Variants in KHDRBS2 observed in about 807,000 individuals in gnomAD.
KHDRBS2 encodes KH RNA binding domain containing, signal transduction associated 2.
In KHDRBS2, 26 loss-of-function variants were observed where a neutral mutation model predicts 44.3. The observed-to-expected ratio is 0.59, with a 90% CI of 0.43 to 0.81. The LOEUF is 0.81. Among genes scored for constraint, KHDRBS2 ranks in the 40% least tolerant of loss-of-function variants. KHDRBS2 has a pLI of 0.00. For synonymous variants in KHDRBS2, 194 were observed against 151.1 expected, an observed-to-expected ratio of 1.28 and a Z score of -2.08; for missense variants, 476 against 433.1, an observed-to-expected ratio of 1.10 and a Z score of -0.88.
At position 61,977,847 on chromosome 6, in the gene KHDRBS2, GA is replaced by G. The variant is rs139249220; in HGVS notation, c.483+218del. Among the ~76,000 whole-genome samples, 379 of 152,200 alleles carry G rather than the reference GA, an allele frequency of 2.5e-3. 9 individuals are homozygous for G. In the East Asian group the frequency reaches 0.063, roughly 25 times the overall value. ...CCGATGCATGGCATGACACCAGCAT[GA>G]CAAACATTGCTATGGAACCATCACT... On this transcript the variant is annotated intron_variant, in intron 4 of 8. Coordinates refer to ENST00000281156, the MANE Select transcript of KHDRBS2 (RefSeq NM_152688.4).
chr6:62,106,472 G>T (rs567027848), intron 2 of KHDRBS2, among the ~76,000 whole-genome samples: 4 of 152,194 alleles, frequency 2.6e-5, no homozygotes, highest in African/African-American at 4.8e-5. Flanking sequence ...CCTGTATTGG[G>T]TGCATACATA....
chr6:61,632,751 G>C, the KHDRBS2 span, among the ~76,000 whole-genome samples: 1 of 151,982 alleles, frequency 6.6e-6, no homozygotes, highest in Non-Finnish European at 1.5e-5. Flanking sequence ...TCTCAGGGGT[G>C]GTTCACCTCA....
intron 2 of KHDRBS2, among the ~76,000 whole-genome samples, chr6:62,140,659 T>C (rs1236734258): frequency 6.6e-6 from 1 of 152,188 alleles, no homozygotes; most frequent in East Asian, 1.9e-4. Context: ...AAAAGAGATG[T>C]TCAAAAAAAC....
rs549661170 is a variant in KHDRBS2 at position 62,212,433 on chromosome 6, T to C, written c.92-35121A>G. On this transcript the variant is annotated intron_variant, in intron 1 of 8. Coordinates refer to ENST00000281156, the MANE Select transcript of KHDRBS2 (RefSeq NM_152688.4). ...GAGGGAGATGGTATGGGTTGAATTGTGTTCCCCCTGAAATATATTAATACA... is the reference window on the plus strand; with the variant it reads ...GAGGGAGATGGTATGGGTTGAATTGCGTTCCCCCTGAAATATATTAATACA... 2.1e-3 allele frequency among the ~76,000 whole-genome samples: 319 copies of C among 151,858 alleles called. 1 individual carries two copies. The highest frequency in any genetic ancestry group is 7.2e-3 in the African/African-American group (300 of 41,434).
intron 6 of KHDRBS2, among the ~76,000 whole-genome samples, chr6:61,810,632 A>G (rs1787970026): frequency 6.6e-6 from 1 of 152,204 alleles, no homozygotes; most frequent in Non-Finnish European, 1.5e-5. Context: ...GACTTTGGAT[A>G]GATTATCAAA....
the KHDRBS2 span, among the ~76,000 whole-genome samples, chr6:61,637,028 CT>C: frequency 6.6e-6 from 1 of 151,756 alleles, no homozygotes; most frequent in East Asian, 1.9e-4. Context: ...ATACTTTTTT[CT>C]TTTTTTATTT....
rs577419145 is a variant in KHDRBS2, at chr6:61,871,390, C to T, written c.810+23245G>A. Among the ~76,000 whole-genome samples, 128 of 152,224 alleles carry T rather than the reference C, an allele frequency of 8.4e-4. 1 individual carries two copies. The Middle Eastern group carries it at 0.017, about 20-fold the overall frequency. On this transcript the variant is annotated intron_variant, in intron 6 of 8. Transcript: ENST00000281156. ...ACTAAATCTATGTTTGATTGGTGTA[C>T]CTGAAAGTGATGGGGAGAATGGAAC...
At chr6:61,654,545 G>T in the KHDRBS2 span, among the ~76,000 whole-genome samples, 1 of 151,590 alleles carries the variant, frequency 6.6e-6, no homozygotes, top group African/African-American at 2.4e-5. Context: ...GGTTCAATTA[G>T]GAAAATAGGG....
At chr6:61,917,264 T>C (rs1449007454) in intron 4 of KHDRBS2, among the ~76,000 whole-genome samples, 1 of 151,636 alleles carries the variant, frequency 6.6e-6, no homozygotes, top group Admixed American at 6.6e-5. Context: ...AATTCAGCAA[T>C]AAAAATAAAT....
intron 2 of KHDRBS2, among the ~76,000 whole-genome samples, chr6:62,052,051 T>TG (rs56867415): frequency 0.033 from 4,966 of 152,078 alleles, 270 homozygotes; most frequent in African/African-American, 0.11. Flanking sequence ...TGTAGATTGG[T>TG]ATACCCAGTA....
chr6:61,556,875 T>A, the KHDRBS2 span, among the ~76,000 whole-genome samples: 232 of 40,862 alleles, frequency 5.7e-3, 1 homozygote, highest in Admixed American at 8.7e-3. Context: ...AATTGAGATT[T>A]TTTTTTTTTT....
chr6:61,896,996 C>T (rs1380056459), intron 5 of KHDRBS2, among the ~76,000 whole-genome samples: 1 of 152,140 alleles, frequency 6.6e-6, no homozygotes, highest in East Asian at 1.9e-4. Context: ...TATTCCTGGA[C>T]CCACTTTGGA....
chr6:62,165,662 A>T (rs1818534032), intron 2 of KHDRBS2, among the ~76,000 whole-genome samples: 1 of 151,490 alleles, frequency 6.6e-6, no homozygotes, highest in African/African-American at 2.4e-5. Flanking sequence ...TGTAAAATAG[A>T]CAGCATAAAA....
At chr6:62,065,779 A>G (rs1040142703) in intron 2 of KHDRBS2, among the ~76,000 whole-genome samples, 1 of 149,632 alleles carries the variant, frequency 6.7e-6, no homozygotes, top group East Asian at 1.9e-4. Context: ...AACTTAAAGT[A>G]TAAAAAAAAA....
intron 6 of KHDRBS2, among the ~76,000 whole-genome samples, chr6:61,759,505 T>G (rs1262126919): frequency 6.6e-6 from 1 of 152,176 alleles, no homozygotes; most frequent in Non-Finnish European, 1.5e-5. Flanking sequence ...GACTTACTGA[T>G]TTTAATTATT....
rs1487833169 is a variant in KHDRBS2 at position 61,981,642 on chromosome 6, A to G, written c.337-3430T>C. ...AGTGTTCAATCTTTTGACATTTTTG[A>G]CAATTTGCAAAAATCAAATTCTAAA... On this transcript the variant is annotated intron_variant, in intron 3 of 8. Transcript: ENST00000281156. Among the ~76,000 whole-genome samples the G allele has an allele frequency of 5.3e-5, 8 of 152,258 alleles. No individual in the cohort carries two copies. The South Asian group carries it at 1.7e-3, about 32-fold the overall frequency.
the KHDRBS2 span, among the ~76,000 whole-genome samples, chr6:61,620,115 C>G: frequency 1.5e-4 from 23 of 151,670 alleles, no homozygotes; most frequent in African/African-American, 5.1e-4. Flanking sequence ...TTTTTATTTG[C>G]CTAAATCAGT....
intron 6 of KHDRBS2, among the ~76,000 whole-genome samples, chr6:61,845,461 C>G (rs1431931302): frequency 6.6e-6 from 1 of 152,130 alleles, no homozygotes; most frequent in Non-Finnish European, 1.5e-5. Flanking sequence ...AGGTGCATGC[C>G]ACTACGCCCA....
At chr6:61,589,079 AG>A in the KHDRBS2 span, among the ~76,000 whole-genome samples, 9 of 151,908 alleles carry the variant, frequency 5.9e-5, no homozygotes, top group East Asian at 1.6e-3. Flanking sequence ...GGGTGGGGGT[AG>A]GGGGGCAAAG....
Sources: allele counts gnomAD v4.1 joint callset (sites outside exome capture counted in the v4.1 genomes callset), GRCh38; gene constraint gnomAD v4.1.1; transcripts MANE v1.5; gene names NCBI Gene and HGNC (gene_info 2026-07-23, HGNC 2026-07-21).